MORN1: variants seen among roughly 807,000 people sequenced by gnomAD.
MORN1 encodes the protein MORN repeat-containing protein 1.
A neutral mutation model predicts 61.9 loss-of-function variants in MORN1; 67 were observed. The observed-to-expected ratio is 1.08, with a 90% confidence interval of 0.89 to 1.33. The LOEUF is 1.33. Among genes scored for constraint, MORN1 ranks in the 40% most tolerant of loss-of-function variants. The probability of loss-of-function intolerance (pLI) is 0.00; values close to 1 mark genes in which losing one functional copy is unlikely to be tolerated. For synonymous variants in MORN1, 301 were observed against 292.0 expected, an observed-to-expected ratio of 1.03 and a Z score of -0.31; for missense variants, 752 against 691.2, an observed-to-expected ratio of 1.09 and a Z score of -0.99.
At position 2,324,110 on chromosome 1, in the gene MORN1, C is replaced by G; in HGVS notation, c.1284G>C (p.Ala428=). Residue 428 remains alanine, a synonymous_variant, in exon 13 of 14, where the codon GCG becomes GCC. Coordinates refer to ENST00000378531, the MANE Select transcript of MORN1 (RefSeq NM_024848.3). The part of the protein sequence containing the change: ...PEGRATEEQA[A]AAHLGEYVLM... ...CTGTCCACCTACCTAGGTGTGCTGCCGCAGCCTGCTCCTCCGTGGCTCTCC... is the reference window on the plus strand; with the variant it reads ...CTGTCCACCTACCTAGGTGTGCTGCGGCAGCCTGCTCCTCCGTGGCTCTCC... 2 of 1,600,786 alleles carry G rather than the reference C, an allele frequency of 1.2e-6. No individual in the cohort carries two copies. Among genetic ancestry groups the G allele is most frequent in the Non-Finnish European group, 1.7e-6 (2 of 1,175,158 alleles).
In MORN1 at chr1:2,387,617, A is replaced by C. The variant is rs1570054837; in HGVS notation, c.248-88T>G. The C allele has an allele frequency of 1.8e-5, 16 of 896,148 alleles. No individual in the cohort carries two copies. In the East Asian group the frequency reaches 3.9e-4, roughly 22 times the overall value. 55.5% of individuals were successfully genotyped at this position (896,148 alleles called of 1,614,324 possible). A position where few individuals can be genotyped will look rare whatever the true frequency, so the allele number is the denominator to read the frequency against. Reference sequence around the variant, plus strand: ...CTCTCCTCTGTCCCTGGCCCATGACACGCAGGAACCATTCCAGAATGGACG... The same window carrying C: ...CTCTCCTCTGTCCCTGGCCCATGACCCGCAGGAACCATTCCAGAATGGACG... On this transcript the variant is annotated intron_variant, in intron 3 of 13. Coordinates refer to ENST00000378531, the MANE Select transcript of MORN1 (RefSeq NM_024848.3).
intron 12 of MORN1, among the ~76,000 whole-genome samples, chr1:2,329,705 T>G (rs1641106223): frequency 6.6e-6 from 1 of 152,096 alleles, no homozygotes; most frequent in Non-Finnish European, 1.5e-5. Context: ...GGTGGGCAGG[T>G]GAGCCGAGCA....
In MORN1 at chr1:2,364,076, CAT is replaced by C. The variant is rs774592892; in HGVS notation, c.746-5363_746-5362del. Among the ~76,000 whole-genome samples, 34 of 152,166 alleles carry C rather than the reference CAT, an allele frequency of 2.2e-4. No homozygotes were observed. In the East Asian group the frequency reaches 4.8e-3, roughly 22 times the overall value. Reference sequence around the variant, plus strand: ...GTCTACAAAAAGTACACTTTAAAAACATAGGCAGGTTAAAAGTAAAAGGATGG... The same window carrying C: ...GTCTACAAAAAGTACACTTTAAAAACAGGCAGGTTAAAAGTAAAAGGATGG... On this transcript the variant is annotated intron_variant, in intron 8 of 13. Transcript: ENST00000378531.
intron 10 of MORN1, among the ~76,000 whole-genome samples, chr1:2,342,985 C>T (rs1190408552): frequency 2.0e-5 from 3 of 151,644 alleles, no homozygotes; most frequent in South Asian, 4.1e-4. Flanking sequence ...GCAATCCTCC[C>T]GCCTCAGCCT....
intron 12 of MORN1, chr1:2,326,790 C>T (rs1040162064): frequency 7.9e-5 from 12 of 152,382 alleles, no homozygotes; most frequent in African/African-American, 2.7e-4. Flanking sequence ...ACATCCTGCT[C>T]CCTCCTGACT....
chr1:2,321,448 G>C lies in MORN1; in HGVS notation c.1429C>G (p.Pro477Ala), dbSNP rs2100210030. 6.5e-7 allele frequency: 1 copy of C among 1,541,506 alleles called. No homozygotes were observed. The highest frequency in any genetic ancestry group is 2.0e-5 in the Admixed American group (1 of 49,460). ...GCCTGCCAGCTGCTTGAGGCTTCAG[G>C]GCCTTCTTCCAGGACATGGGGTGGC... is the stretch of plus-strand genomic sequence containing the variant. The part of the protein sequence containing the change: ...GQPPHVLEEG[P>A]EASSSWQAAH... Residue 477 changes from proline (P) to alanine (A), a missense_variant, in exon 14 of 14, where the codon CCT (proline) becomes GCT (alanine). Physicochemically the swap from Pro to Ala is conservative, Grantham distance 27. Coordinates refer to ENST00000378531, the MANE Select transcript of MORN1 (RefSeq NM_024848.3).
intron 10 of MORN1, among the ~76,000 whole-genome samples, chr1:2,348,429 C>T (rs1006571233): frequency 6.6e-6 from 1 of 152,188 alleles, no homozygotes; most frequent in African/African-American, 2.4e-5. Flanking sequence ...CTCCCTCTGC[C>T]CTCCATGGGG....
In MORN1 at chr1:2,372,082, C is replaced by T. The variant is rs566575578; in HGVS notation, c.745+399G>A. On this transcript the variant is annotated intron_variant, in intron 8 of 13. Coordinates refer to ENST00000378531, the MANE Select transcript of MORN1 (RefSeq NM_024848.3). The surrounding 1 kb of genome is among the most constrained non-coding windows in gnomAD (Gnocchi z 5.4). The stretch of plus-strand genomic sequence containing the variant: ...TACAAACAACTGCGATGGCCAGCAG[C>T]GGATGAGTGGGGAAGCAGAAAGTAG... 1.2e-4 allele frequency: 27 copies of T among 225,966 alleles called. 1 individual carries two copies. In the South Asian group the frequency reaches 1.5e-3, roughly 13 times the overall value. The allele number at this position is 225,966 out of a possible 1,614,324, so 14.0% of individuals were successfully genotyped here.
Position 2,334,442 on chromosome 1 carries a change from C to CG in MORN1, c.1250+2026dup, listed in dbSNP as rs1046121313. On this transcript the variant is annotated intron_variant, in intron 12 of 13. Transcript: ENST00000378531. This position sits in a 1 kb window ranked among gnomAD's most constrained non-coding sequence, Gnocchi z 5.4. ...TCAACCCAGGAGCGGGCAGAGCTTA[C>CG]GGAGAGTTCCCGATGGGAAAGACTC... is the stretch of plus-strand genomic sequence containing the variant. Among the ~76,000 whole-genome samples the CG allele has an allele frequency of 1.6e-4, 24 of 152,104 alleles. No individual in the cohort carries two copies. The highest frequency in any genetic ancestry group is 1.0e-4 in the Non-Finnish European group (7 of 68,012).
intron 10 of MORN1, among the ~76,000 whole-genome samples, chr1:2,348,729 A>ACACACGCACG (rs1282678349): frequency 2.2e-5 from 3 of 138,624 alleles, no homozygotes; most frequent in Non-Finnish European, 4.7e-5. Context: ...GGGCACGCAC[A>ACACACGCACG]CGCACACCTG....
rs564510451 is a variant in MORN1 at position 2,348,814 on chromosome 1, C to T, written c.1036+8618G>A. Among the ~76,000 whole-genome samples, 182 of 151,518 alleles carry T rather than the reference C, an allele frequency of 1.2e-3. 1 individual carries two copies. The highest frequency in any genetic ancestry group is 4.3e-3 in the African/African-American group (177 of 41,108). On this transcript the variant is annotated intron_variant, in intron 10 of 13. Coordinates refer to ENST00000378531, the MANE Select transcript of MORN1 (RefSeq NM_024848.3). ...ACGCACACGCACTCCTGCGCGGGCA[C>T]GCACACACACGCACGCACACGCACA...
Position 2,385,004 on chromosome 1 carries a change from G to A in MORN1, c.511C>T (p.Arg171Cys), listed in dbSNP as rs769756737. The stretch of plus-strand genomic sequence containing the variant: ...TTGTAGGTGGAGCCGTCGGCGCAGC[G>A]CAGCACCCCGTGTCCCTGACGCCGG... ...RDRRQGHGVL[R>C]CADGSTYKGQ... is the part of the protein sequence containing the mutation. The change falls in exon 6 of 14, where the codon CGC (arginine) becomes TGC (cysteine). Residue 171 changes from arginine (R) to cysteine (C), a missense_variant. Arg to Cys is a radical substitution (Grantham distance 180). Transcript: ENST00000378531. 73 of 1,594,078 alleles carry A rather than the reference G, an allele frequency of 4.6e-5. No individual in the cohort carries two copies. Among genetic ancestry groups the A allele is most frequent in the Non-Finnish European group, 5.9e-5 (69 of 1,171,980 alleles).
At chr1:2,335,675 A>G (rs1421639771) in intron 12 of MORN1, among the ~76,000 whole-genome samples, 3 of 152,186 alleles carry the variant, frequency 2.0e-5, no homozygotes, top group Admixed American at 6.5e-5. Flanking sequence ...CCACCCAAGG[A>G]AACAAGAGCG....
intron 13 of MORN1, chr1:2,322,020 C>T (rs1245695464): frequency 6.5e-5 from 64 of 985,052 alleles, no homozygotes; most frequent in East Asian, 1.1e-4. Context: ...TTAAAAATAA[C>T]GAACCCTCTG....
chr1:2,383,552 C>T (rs538785599), intron 6 of MORN1, among the ~76,000 whole-genome samples: 1 of 152,360 alleles, frequency 6.6e-6, no homozygotes, highest in South Asian at 2.1e-4. Context: ...AATTCTGCGA[C>T]CCACACAATT....
intron 8 of MORN1, among the ~76,000 whole-genome samples, chr1:2,362,482 AAG>A (rs1259403086): frequency 6.6e-6 from 1 of 152,176 alleles, no homozygotes; most frequent in Non-Finnish European, 1.5e-5. Context: ...GAGGGAAAAA[AAG>A]AGTTAAAAAG....
chr1:2,376,721 C>A (rs565363475), intron 6 of MORN1: 1 of 152,196 alleles, frequency 6.6e-6, no homozygotes, highest in Non-Finnish European at 1.5e-5. Flanking sequence ...TCGGTACCCA[C>A]CGCTGGTGTC....
Position 2,322,004 on chromosome 1 carries a change from CTG to C in MORN1, c.1298-427_1298-426del, listed in dbSNP as rs1270043716. 5.1e-6 allele frequency: 5 copies of C among 983,836 alleles called. No homozygotes were observed. In the African/African-American group the frequency reaches 8.7e-5, roughly 17 times the overall value. 60.9% of individuals were successfully genotyped at this position (983,836 alleles called of 1,614,324 possible). A position where few individuals can be genotyped will look rare whatever the true frequency, so the allele number is the denominator to read the frequency against. On this transcript the variant is annotated intron_variant, in intron 13 of 13. Transcript: ENST00000378531. ...AAAAATAATTCATTCCCTCCATAAA[CTG>C]TTTTTAAAAATAACGAACCCTCTGA...
intron 12 of MORN1, among the ~76,000 whole-genome samples, chr1:2,335,373 G>A (rs1641243105): frequency 1.3e-5 from 2 of 152,198 alleles, no homozygotes; most frequent in African/African-American, 4.8e-5. Context: ...ACTCACGTCC[G>A]CTTCTGTTTG....
Sources: allele counts gnomAD v4.1 joint callset (sites outside exome capture counted in the v4.1 genomes callset), GRCh38; gene constraint gnomAD v4.1.1; non-coding constraint Gnocchi (gnomAD v3.1); transcripts MANE v1.5; gene names NCBI Gene and HGNC (gene_info 2026-07-23, HGNC 2026-07-21).